CNIH3: variants seen among roughly 807,000 people sequenced by gnomAD.
CNIH3 encodes the protein cornichon family AMPA receptor auxiliary protein 3, also known as protein cornichon homolog 3.
CNIH3 carries 14 observed loss-of-function variants against 24.1 expected under a neutral mutation model. The observed-to-expected ratio is 0.58, with a 90% confidence interval of 0.38 to 0.91. CNIH3 has a LOEUF of 0.91. Among genes scored for constraint, CNIH3 ranks in the 40% least tolerant of loss-of-function variants. The probability of loss-of-function intolerance (pLI) is 0.00; values close to 1 mark genes in which losing one functional copy is unlikely to be tolerated. For synonymous variants in CNIH3, 68 were observed against 73.8 expected (o/e 0.92, Z 0.40); for missense variants, 178 against 196.8 (o/e 0.90, Z 0.57).
At chr1:224,571,666 A>G (rs1183684540) in intron 4 of CNIH3, among the ~76,000 whole-genome samples, 1 of 152,202 alleles carries the variant, frequency 6.6e-6, no homozygotes, top group Non-Finnish European at 1.5e-5. Context: ...CGGAGGTTGC[A>G]GTGAGGCGAG....
intron 3 of CNIH3, among the ~76,000 whole-genome samples, chr1:224,715,215 A>G (rs1688364935): frequency 6.6e-6 from 1 of 152,118 alleles, no homozygotes; most frequent in Admixed American, 6.5e-5. Context: ...TCTGGCAGCC[A>G]TGTCTCCATC....
chr1:224,556,726 A>G (rs1267579070), intron 3 of CNIH3, among the ~76,000 whole-genome samples: 3 of 152,156 alleles, frequency 2.0e-5, no homozygotes, highest in Non-Finnish European at 2.9e-5. Context: ...CAGGAGGCAG[A>G]GCTCAGGCAG....
chr1:224,649,127 A>G (rs922099627), intron 1 of CNIH3, among the ~76,000 whole-genome samples: 1 of 152,196 alleles, frequency 6.6e-6, no homozygotes, highest in Non-Finnish European at 1.5e-5. Flanking sequence ...TTACATCTGG[A>G]AAGTCCCTTC....
At chr1:224,544,883 C>A (rs1046510956) in intron 2 of CNIH3, among the ~76,000 whole-genome samples, 2 of 152,214 alleles carry the variant, frequency 1.3e-5, no homozygotes, top group East Asian at 3.8e-4. Flanking sequence ...GCCACTGCCT[C>A]CCATGAGCAT....
chr1:224,728,110 G>C (rs1647792819), intron 3 of CNIH3, among the ~76,000 whole-genome samples: 4 of 152,194 alleles, frequency 2.6e-5, no homozygotes, highest in African/African-American at 9.6e-5. Context: ...TGGAATTGGA[G>C]ATGGAGATGG....
downstream of CNIH3, among the ~76,000 whole-genome samples, chr1:224,588,944 C>T (rs1317868190): frequency 7.3e-6 from 1 of 137,710 alleles, no homozygotes; most frequent in Non-Finnish European, 1.5e-5. Context: ...ATGGGCCAAG[C>T]TACTACCTTC....
intron 1 of CNIH3, among the ~76,000 whole-genome samples, chr1:224,477,419 A>G (rs539850579): frequency 2.0e-4 from 31 of 152,340 alleles, no homozygotes; most frequent in Admixed American, 3.3e-4. Context: ...GAGAACCCCA[A>G]ATCCAGTCCT....
At chr1:224,523,916 A>G (rs1302580263) in intron 2 of CNIH3, among the ~76,000 whole-genome samples, 1 of 152,170 alleles carries the variant, frequency 6.6e-6, no homozygotes, top group Non-Finnish European at 1.5e-5. Context: ...AGGAGGATGG[A>G]GCCCTGAGGC....
chr1:224,585,977 A>G (rs970430996), intron 5 of CNIH3, among the ~76,000 whole-genome samples: 1 of 152,258 alleles, frequency 6.6e-6, no homozygotes, highest in African/African-American at 2.4e-5. Flanking sequence ...TTCTAGAGAC[A>G]CACATTTTCC....
chr1:224,554,441 A>T (rs1026007126), intron 3 of CNIH3, among the ~76,000 whole-genome samples: 2 of 152,060 alleles, frequency 1.3e-5, no homozygotes, highest in African/African-American at 4.8e-5. Context: ...TACAGATTCA[A>T]CCCACTGAGG....
At chr1:224,472,018 T>G (rs577315433) in intron 1 of CNIH3, among the ~76,000 whole-genome samples, 3 of 152,362 alleles carry the variant, frequency 2.0e-5, no homozygotes, top group African/African-American at 7.2e-5. Flanking sequence ...AGTGCTGCAG[T>G]AAACATGGAA....
chr1:224,603,527 C>T (rs1357990956), intron 3 of CNIH3, among the ~76,000 whole-genome samples: 2 of 152,128 alleles, frequency 1.3e-5, no homozygotes, highest in African/African-American at 2.4e-5. Context: ...ACCTTCAGCT[C>T]GGCAATCCCT....
intron 2 of CNIH3, among the ~76,000 whole-genome samples, chr1:224,530,513 T>A (rs1005456230): frequency 3.9e-5 from 6 of 152,176 alleles, no homozygotes; most frequent in African/African-American, 1.4e-4. Flanking sequence ...ACTTTACAGA[T>A]GAAAGGAGTG....
At chr1:224,682,971 T>A (rs10158430) in intron 2 of CNIH3, among the ~76,000 whole-genome samples, 3,198 of 152,214 alleles carry the variant, frequency 0.021, 105 homozygotes, top group African/African-American at 0.069. Flanking sequence ...AATATTTTTG[T>A]GGAACCCTTT....
At chr1:224,728,441 T>C (rs1328462832) in intron 3 of CNIH3, among the ~76,000 whole-genome samples, 1 of 152,162 alleles carries the variant, frequency 6.6e-6, no homozygotes. Context: ...GGTACCTGCT[T>C]CACCCACCAA....
At chr1:224,710,060 G>A (rs767911593) in intron 3 of CNIH3, among the ~76,000 whole-genome samples, 10 of 151,964 alleles carry the variant, frequency 6.6e-5, no homozygotes, top group African/African-American at 1.2e-4. Context: ...ATATGAATAC[G>A]GTCTCTCTCA....
intron 3 of CNIH3, among the ~76,000 whole-genome samples, chr1:224,723,044 C>T (rs1477987956): frequency 1.3e-5 from 2 of 152,170 alleles, no homozygotes; most frequent in South Asian, 2.1e-4. Flanking sequence ...GCGGTGAGGG[C>T]CCCAAGGGAA....
chr1:224,443,620 C>T (rs1675010948), intron 1 of CNIH3, among the ~76,000 whole-genome samples: 1 of 151,554 alleles, frequency 6.6e-6, no homozygotes, highest in African/African-American at 2.4e-5. Flanking sequence ...TGGCATACAC[C>T]CCAAAGAATA....
chr1:224,460,669 G>C (rs1302143793), intron 1 of CNIH3, among the ~76,000 whole-genome samples: 2 of 152,028 alleles, frequency 1.3e-5, no homozygotes, highest in African/African-American at 4.8e-5. Flanking sequence ...CCAATATTTG[G>C]CTATTAAAAT....
Sources: gnomAD v4.1 joint callset for allele counts (sites outside exome capture counted in the v4.1 genomes callset) on GRCh38, gnomAD v4.1.1 for gene constraint, MANE v1.5 for transcripts, NCBI Gene and HGNC (gene_info 2026-07-23, HGNC 2026-07-21) for gene names.